The following DOK6 variants were observed in gnomAD, a reference collection of about 807,000 sequenced individuals.
The protein encoded by DOK6 is docking protein 6.
In DOK6, 22 loss-of-function variants were observed where a neutral mutation model predicts 44.0. The observed-to-expected ratio is 0.50, with a 90% CI of 0.36 to 0.71. The LOEUF (loss-of-function observed/expected upper bound fraction) is 0.71. DOK6 is among the 30% of genes least tolerant of loss of function. The pLI is 0.00. For synonymous variants in DOK6, 166 were observed against 145.5 expected, an observed-to-expected ratio of 1.14 and a Z score of -1.01; for missense variants, 340 against 416.4, an observed-to-expected ratio of 0.82 and a Z score of 1.60.
intron 3 of DOK6, among the ~76,000 whole-genome samples, chr18:69,622,235 TC>T (rs1376033484): frequency 1.3e-5 from 2 of 152,164 alleles, no homozygotes; most frequent in Non-Finnish European, 2.9e-5. Context: ...TGTATTACTT[TC>T]TCCAGCCCCA....
intron 2 of DOK6, among the ~76,000 whole-genome samples, chr18:69,577,057 A>G (rs1414246290): frequency 2.0e-5 from 3 of 152,166 alleles, no homozygotes; most frequent in Non-Finnish European, 4.4e-5. Flanking sequence ...GTAACCCAAC[A>G]CTGAAAACAT....
At chr18:69,826,798 T>C (rs1250460112) in intron 7 of DOK6, among the ~76,000 whole-genome samples, 2 of 152,208 alleles carry the variant, frequency 1.3e-5, no homozygotes, top group African/African-American at 4.8e-5. Context: ...AACTTAACTG[T>C]AATAAATAAT....
chr18:69,797,398 A>G (rs1273321461), intron 7 of DOK6, among the ~76,000 whole-genome samples: 1 of 152,150 alleles, frequency 6.6e-6, no homozygotes. Flanking sequence ...TAACATCTTG[A>G]GATTATATTA....
chr18:69,470,773 A>C (rs1980076771), intron 1 of DOK6, among the ~76,000 whole-genome samples: 1 of 152,174 alleles, frequency 6.6e-6, no homozygotes, highest in African/African-American at 2.4e-5. Context: ...CTGGTAAACG[A>C]GCAGAAAACA....
At chr18:69,446,580 G>A (rs1442664010) in intron 1 of DOK6, among the ~76,000 whole-genome samples, 1 of 152,120 alleles carries the variant, frequency 6.6e-6, no homozygotes, top group African/African-American at 2.4e-5. Context: ...CCAGAAATGG[G>A]ATGGCTGGGT....
At chr18:69,449,418 T>TA (rs1979390681) in intron 1 of DOK6, among the ~76,000 whole-genome samples, 2 of 152,244 alleles carry the variant, frequency 1.3e-5, no homozygotes, top group Non-Finnish European at 2.9e-5. Context: ...AATAGCTAGA[T>TA]AATAAGTTCA....
chr18:69,837,306 C>G (rs1982082004), intron 7 of DOK6, among the ~76,000 whole-genome samples: 1 of 152,116 alleles, frequency 6.6e-6, no homozygotes, highest in South Asian at 2.1e-4. Flanking sequence ...AGGGGCAAGA[C>G]AGGATGAGAC....
chr18:69,514,837 A>AT (rs879538567), intron 1 of DOK6, among the ~76,000 whole-genome samples: 30 of 92,998 alleles, frequency 3.2e-4, no homozygotes, highest in African/African-American at 9.3e-4. Context: ...CTCTCCATAT[A>AT]TATTTTTTTT....
At chr18:69,609,485 AG>A (rs1358787192) in intron 3 of DOK6, among the ~76,000 whole-genome samples, 5,577 of 150,222 alleles carry the variant, frequency 0.037, 373 homozygotes, top group African/African-American at 0.13. Context: ...GGCTATTACA[AG>A]AAATAAATAA....
intron 4 of DOK6, among the ~76,000 whole-genome samples, chr18:69,695,592 C>T (rs1048372434): frequency 6.6e-6 from 1 of 152,280 alleles, no homozygotes; most frequent in Middle Eastern, 3.4e-3. Context: ...CTGATACAGT[C>T]ACTGAAAAGG....
chr18:69,409,482 G>T (rs1176629616), intron 1 of DOK6, among the ~76,000 whole-genome samples: 1 of 152,144 alleles, frequency 6.6e-6, no homozygotes, highest in Non-Finnish European at 1.5e-5. Context: ...TATTGAATAT[G>T]TATGTATTTC....
intron 1 of DOK6, among the ~76,000 whole-genome samples, chr18:69,502,575 A>C (rs1395430724): frequency 6.6e-6 from 1 of 152,074 alleles, no homozygotes; most frequent in Non-Finnish European, 1.5e-5. Flanking sequence ...ATTTGTTAGA[A>C]ACTAGTAAAG....
At chr18:69,465,381 A>G (rs963304517) in intron 1 of DOK6, among the ~76,000 whole-genome samples, 4 of 151,772 alleles carry the variant, frequency 2.6e-5, no homozygotes, top group Non-Finnish European at 4.4e-5. Flanking sequence ...ATGTATACAT[A>G]TGCCATGCTG....
intron 3 of DOK6, 61 bp from the exon 4 acceptor site, chr18:69,677,673 A>C: frequency 6.2e-7 from 1 of 1,606,966 alleles, no homozygotes; most frequent in East Asian, 2.2e-5. Context: ...TTAAGGAAAT[A>C]TTCTTCTTCC....
chr18:69,455,191 AAG>A (rs1477604681), intron 1 of DOK6, among the ~76,000 whole-genome samples: 8 of 111,422 alleles, frequency 7.2e-5, no homozygotes, highest in African/African-American at 2.2e-4. Flanking sequence ...AAAAAGAAAA[AAG>A]GAAAAAAAAA....
intron 1 of DOK6, among the ~76,000 whole-genome samples, chr18:69,516,368 C>A (rs1026418311): frequency 6.6e-6 from 1 of 152,140 alleles, no homozygotes; most frequent in African/African-American, 2.4e-5. Flanking sequence ...AATGAGAGAA[C>A]AACCAACTCT....
chr18:69,637,739 T>C (rs1237074446), intron 3 of DOK6, among the ~76,000 whole-genome samples: 1 of 152,108 alleles, frequency 6.6e-6, no homozygotes, highest in Non-Finnish European at 1.5e-5. Flanking sequence ...TCTCTCTCTT[T>C]TTTTTTAAAC....
intron 1 of DOK6, among the ~76,000 whole-genome samples, chr18:69,516,041 A>G (rs187676905): frequency 7.1e-4 from 108 of 152,328 alleles, no homozygotes; most frequent in African/African-American, 2.3e-3. Context: ...AAATTCCAAC[A>G]TTATTTAAGT....
At chr18:69,631,945 T>C (rs1032411885) in intron 3 of DOK6, among the ~76,000 whole-genome samples, 1 of 152,246 alleles carries the variant, frequency 6.6e-6, no homozygotes, top group Non-Finnish European at 1.5e-5. Context: ...TTATGTTGGT[T>C]ATGTGACTAA....
Sources: allele counts gnomAD v4.1 joint callset (sites outside exome capture counted in the v4.1 genomes callset), GRCh38; gene constraint gnomAD v4.1.1; transcripts MANE v1.5; gene names NCBI Gene and HGNC (gene_info 2026-07-23, HGNC 2026-07-21).